The following POC1A variants were observed in gnomAD, a reference collection of about 807,000 sequenced individuals.
POC1A encodes the protein POC1 centriolar protein A, also known as POC1 centriolar protein homolog A.
A neutral mutation model predicts 47.8 loss-of-function variants in POC1A; 34 were observed. The ratio of observed to expected loss-of-function variants is 0.71; its 90% confidence interval spans 0.54 to 0.95. POC1A has a LOEUF of 0.95. Among genes scored for constraint, POC1A ranks in the 40% least tolerant of loss-of-function variants. The probability of loss-of-function intolerance (pLI) is 0.00; values close to 1 mark genes in which losing one functional copy is unlikely to be tolerated. For synonymous variants in POC1A, 177 were observed against 207.6 expected, an observed-to-expected ratio of 0.85 and a Z score of 1.27; for missense variants, 466 against 528.3, an observed-to-expected ratio of 0.88 and a Z score of 1.16.
At chr3:52,122,271 G>A (rs1222592173) in intron 9 of POC1A, 108 bp downstream of exon 9, 12 of 648,956 alleles carry the variant, frequency 1.8e-5, no homozygotes, top group Non-Finnish European at 2.8e-5. Flanking sequence ...TCCCTTTCCC[G>A]AGACAGGCCT....
chr3:52,079,103 CT>C lies in POC1A; in HGVS notation c.1126-3119del, dbSNP rs1702205974. Among the ~76,000 whole-genome samples, 1 of 152,230 alleles carries C rather than the reference CT, an allele frequency of 6.6e-6. No homozygotes were observed. ...CAGAAGGGGTGTGTGGGGAGTACCCCTGGCACAGACTGGTTTGGAGCCATAT... is the reference window on the plus strand; with the variant it reads ...CAGAAGGGGTGTGTGGGGAGTACCCCGGCACAGACTGGTTTGGAGCCATAT... On this transcript the variant is annotated intron_variant, in intron 10 of 10. Coordinates refer to ENST00000296484, the MANE Select transcript of POC1A (RefSeq NM_015426.5). This position sits in a 1 kb window ranked among gnomAD's most constrained non-coding sequence, Gnocchi z 4.6.
At chr3:52,129,209 G>C (rs1412609167) in intron 7 of POC1A, among the ~76,000 whole-genome samples, 1 of 152,136 alleles carries the variant, frequency 6.6e-6, no homozygotes, top group African/African-American at 2.4e-5. Context: ...AACCCAGGAG[G>C]TGGAGGTTGC....
chr3:52,098,252 G>A (rs1702886719), intron 9 of POC1A, among the ~76,000 whole-genome samples: 1 of 152,204 alleles, frequency 6.6e-6, no homozygotes, highest in Admixed American at 6.5e-5. Context: ...CTCTTCCACT[G>A]GAGGAAGGGT....
intron 6 of POC1A, among the ~76,000 whole-genome samples, chr3:52,140,091 G>T (rs1196168908): frequency 6.6e-6 from 1 of 152,140 alleles, no homozygotes; most frequent in African/African-American, 2.4e-5. Context: ...ACCACTACTG[G>T]GTTGGTAAAC....
At chr3:52,112,564 C>G (rs370150856) in intron 9 of POC1A, among the ~76,000 whole-genome samples, 8 of 152,178 alleles carry the variant, frequency 5.3e-5, no homozygotes, top group Middle Eastern at 3.2e-3. Flanking sequence ...ATTGTTTGAA[C>G]TCCGGAGGCA....
intron 6 of POC1A, among the ~76,000 whole-genome samples, chr3:52,143,523 T>C (rs1186500852): frequency 1.3e-5 from 2 of 152,168 alleles, no homozygotes; most frequent in African/African-American, 4.8e-5. Flanking sequence ...TCTGGCTGCT[T>C]TGTGGACCTT....
intron 9 of POC1A, among the ~76,000 whole-genome samples, chr3:52,101,693 C>T (rs115865955): frequency 0.013 from 1,971 of 152,158 alleles, 35 homozygotes; most frequent in African/African-American, 0.042. Context: ...CAAACTGAAA[C>T]ACAGAGGGAT....
intron 7 of POC1A, among the ~76,000 whole-genome samples, chr3:52,137,578 G>A (rs1430684844): frequency 6.6e-6 from 1 of 152,110 alleles, no homozygotes; most frequent in African/African-American, 2.4e-5. Context: ...TTCCTGGGGA[G>A]AACTGCATGT....
chr3:52,135,963 T>C (rs1295722814), intron 7 of POC1A, among the ~76,000 whole-genome samples: 3 of 151,922 alleles, frequency 2.0e-5, no homozygotes, highest in African/African-American at 4.8e-5. Context: ...GGTCTCACCA[T>C]GGGTCTTAAA....
intron 9 of POC1A, among the ~76,000 whole-genome samples, chr3:52,101,110 AT>A (rs1490107186): frequency 9.3e-5 from 14 of 151,128 alleles, no homozygotes; most frequent in Middle Eastern, 3.4e-3. Flanking sequence ...AAAAAAAAAA[AT>A]ATCAAGCACC....
chr3:52,140,218 C>T (rs920330513), intron 6 of POC1A, among the ~76,000 whole-genome samples: 6 of 152,180 alleles, frequency 3.9e-5, no homozygotes, highest in African/African-American at 4.8e-5. Context: ...CCCAGGCACA[C>T]TTAGGGGGAA....
intron 9 of POC1A, among the ~76,000 whole-genome samples, chr3:52,118,204 A>G (rs986093401): frequency 1.3e-5 from 2 of 152,058 alleles, no homozygotes; most frequent in Admixed American, 1.3e-4. Flanking sequence ...AAGGCTGAAC[A>G]TGGAGCTTCT....
At chr3:52,096,311 G>C (rs150485003) in intron 10 of POC1A, among the ~76,000 whole-genome samples, 337 of 152,338 alleles carry the variant, frequency 2.2e-3, no homozygotes, top group Middle Eastern at 0.014. Context: ...CAGTGGCCCA[G>C]GCCAGCTCTA....
In POC1A at chr3:52,154,394, G is replaced by A. The variant is rs764617594; in HGVS notation, c.-22C>T. On this transcript the variant is annotated 5_prime_UTR_variant, in exon 1 of 11. Coordinates refer to ENST00000296484, the MANE Select transcript of POC1A (RefSeq NM_015426.5). ...CCATGGCGGGGCTGGCGGCGCCGAA[G>A]GCAGCTGCGGTGGCCGTTGCGGCCC... 9 of 1,460,214 alleles carry A rather than the reference G, an allele frequency of 6.2e-6. No individual in the cohort carries two copies. In the African/African-American group the frequency reaches 1.1e-4, roughly 17 times the overall value. The allele number at this position is 1,460,214 out of a possible 1,614,324, so 90.5% of individuals were successfully genotyped here.
intron 2 of POC1A, among the ~76,000 whole-genome samples, chr3:52,150,200 C>T (rs942282705): frequency 1.3e-5 from 2 of 152,178 alleles, no homozygotes; most frequent in Non-Finnish European, 2.9e-5. Flanking sequence ...AGGAGCACAC[C>T]CACATGGGAA....
At position 52,084,928 on chromosome 3, in the gene POC1A, T is replaced by C. The variant is rs1393181358; in HGVS notation, c.1126-8943A>G. On this transcript the variant is annotated intron_variant, in intron 10 of 10. Coordinates refer to ENST00000296484, the MANE Select transcript of POC1A (RefSeq NM_015426.5). This position sits in a 1 kb window ranked among gnomAD's most constrained non-coding sequence, Gnocchi z 4.3. ...CATGTGTCCCACCAAGCACTCTGCCTGGGCTGGGGACACAGTGGCAAGGGG... is the reference window on the plus strand; with the variant it reads ...CATGTGTCCCACCAAGCACTCTGCCCGGGCTGGGGACACAGTGGCAAGGGG... Among the ~76,000 whole-genome samples, 2 of 152,226 alleles carry C rather than the reference T, an allele frequency of 1.3e-5. No homozygotes were observed. Among genetic ancestry groups the C allele is most frequent in the South Asian group, 4.1e-4 (2 of 4,830 alleles).
intron 9 of POC1A, among the ~76,000 whole-genome samples, chr3:52,111,368 C>G (rs548365900): frequency 6.6e-6 from 1 of 152,056 alleles, no homozygotes; most frequent in East Asian, 1.9e-4. Flanking sequence ...CTCTGCAGGC[C>G]GGGCACGGTG....
intron 9 of POC1A, among the ~76,000 whole-genome samples, chr3:52,105,060 G>A (rs1257641101): frequency 6.6e-6 from 1 of 152,218 alleles, no homozygotes; most frequent in Non-Finnish European, 1.5e-5. Context: ...AACTGAAACT[G>A]TAATAAACAA....
intron 9 of POC1A, among the ~76,000 whole-genome samples, chr3:52,107,038 C>G (rs1173271010): frequency 6.6e-6 from 1 of 152,206 alleles, no homozygotes; most frequent in Non-Finnish European, 1.5e-5. Context: ...AAGTGACACA[C>G]AGAGGTGAGG....
Sources: gnomAD v4.1 joint callset for allele counts (sites outside exome capture counted in the v4.1 genomes callset) on GRCh38, gnomAD v4.1.1 for gene constraint, Gnocchi (gnomAD v3.1) non-coding constraint, MANE v1.5 for transcripts, NCBI Gene and HGNC (gene_info 2026-07-23, HGNC 2026-07-21) for gene names.